The following CFAP74 variants were observed in gnomAD, a reference collection of about 807,000 sequenced individuals.
The protein encoded by CFAP74 is cilia- and flagella-associated protein 74.
CFAP74 carries 124 observed loss-of-function variants against 188.9 expected under a neutral mutation model. That is an observed-to-expected ratio of 0.66 (90% CI 0.57 to 0.76). The LOEUF is 0.76. CFAP74 is among the 30% of genes least tolerant of loss of function. The pLI, the probability that CFAP74 is intolerant of heterozygous loss-of-function variation, is 0.00. For missense variants in CFAP74, 2,198 were observed against 2,165.2 expected, an observed-to-expected ratio of 1.02 and a Z score of -0.30; for synonymous variants, 956 against 916.7, an observed-to-expected ratio of 1.04 and a Z score of -0.77.
chr1:1,924,577 C>T (rs918850233), intron 33 of CFAP74, 57 bp from the exon 34 acceptor site: 93 of 1,551,986 alleles, frequency 6.0e-5, no homozygotes, highest in Non-Finnish European at 7.8e-5. Context: ...TGCCCCCTTC[C>T]TGTCGTCGGT....
intron 6 of CFAP74, among the ~76,000 whole-genome samples, chr1:1,980,432 G>A (rs1278598957): frequency 1.4e-5 from 2 of 140,026 alleles, no homozygotes; most frequent in African/African-American, 5.5e-5. Flanking sequence ...CCCTCTTACC[G>A]TGTGGGGAGG....
At chr1:1,944,752 G>A (rs1489242688) in intron 20 of CFAP74, among the ~76,000 whole-genome samples, 4 of 152,028 alleles carry the variant, frequency 2.6e-5, no homozygotes, top group South Asian at 2.1e-4. Context: ...GATTACAGGC[G>A]CCCGCCACCA....
At position 1,942,529 on chromosome 1, in the gene CFAP74, C is replaced by A. The variant is rs1157926538; in HGVS notation, c.2487-373G>T. Reference sequence around the variant, plus strand: ...CCCCTCCCTCCAGGGCTCTGCCCGCCTCCTGCCCAGGGCATCCCCACATCC... The same window carrying A: ...CCCCTCCCTCCAGGGCTCTGCCCGCATCCTGCCCAGGGCATCCCCACATCC... On this transcript the variant is annotated intron_variant, in intron 21 of 38. Transcript: ENST00000682832. This position sits in a 1 kb window ranked among gnomAD's most constrained non-coding sequence, Gnocchi z 4.3. Among the ~76,000 whole-genome samples the A allele has an allele frequency of 6.6e-6, 1 of 152,138 alleles. No individual in the cohort carries two copies. The highest frequency in any genetic ancestry group is 1.9e-4 in the East Asian group (1 of 5,180).
intron 25 of CFAP74, among the ~76,000 whole-genome samples, chr1:1,930,807 C>T (rs921266472): frequency 8.5e-5 from 13 of 152,162 alleles, no homozygotes; most frequent in Admixed American, 5.2e-4. Context: ...TATTTATTGA[C>T]GTTTTAAAAA....
rs553188585 is a variant in CFAP74 at position 1,995,309 on chromosome 1, T to C, written c.-19-4334A>G. 4.2e-4 allele frequency among the ~76,000 whole-genome samples: 64 copies of C among 151,962 alleles called. 1 individual carries two copies. The South Asian group carries it at 7.5e-3, about 18-fold the overall frequency. ...AGGTTTGAGACCAGCCTGGCCAACA[T>C]AGTGAAACCCCGTCTCTACTAAAAA... is the stretch of plus-strand genomic sequence containing the variant. On this transcript the variant is annotated intron_variant, in intron 1 of 38. Coordinates refer to ENST00000682832, the MANE Select transcript of CFAP74 (RefSeq NM_001304360.2).
chr1:1,968,479 G>A lies in CFAP74; in HGVS notation c.1245+156C>T, dbSNP rs961922247. Among the ~76,000 whole-genome samples the A allele has an allele frequency of 2.6e-5, 4 of 151,818 alleles. No homozygotes were observed. Among genetic ancestry groups the A allele is most frequent in the African/African-American group, 9.7e-5 (4 of 41,328 alleles). On this transcript the variant is annotated intron_variant, in intron 11 of 38. Transcript: ENST00000682832. This position sits in a 1 kb window ranked among gnomAD's most constrained non-coding sequence, Gnocchi z 4.3. ...TAGTGTGTCTTGTCCCCTTGTCCTT[G>A]AGCTGAGTGGCGGCCACTCAGCGGG...
Position 1,973,763 on chromosome 1 carries a change from AG to A in CFAP74, c.674+261del, listed in dbSNP as rs1280138652. ...GGCAGTCTTGCTGGAGCGTGGCTTT[AG>A]TAGCCAGCTTTAGCGGCTGTATGGT... On this transcript the variant is annotated intron_variant, in intron 7 of 38. Transcript: ENST00000682832. The surrounding 1 kb of genome is among the most constrained non-coding windows in gnomAD (Gnocchi z 6.2). Among the ~76,000 whole-genome samples, 1 of 152,018 alleles carries A rather than the reference AG, an allele frequency of 6.6e-6. No homozygotes were observed. Among genetic ancestry groups the A allele is most frequent in the Admixed American group, 6.6e-5 (1 of 15,260 alleles).
chr1:1,954,962 C>A, intron 18 of CFAP74: 1 of 1,200,268 alleles, frequency 8.3e-7, no homozygotes, highest in South Asian at 1.5e-5. Flanking sequence ...GGCAGAAGGA[C>A]GGATCTAGAA....
rs145407243 is a variant in CFAP74, at chr1:1,968,383, C to G, written c.1245+252G>C. On this transcript the variant is annotated intron_variant, in intron 11 of 38. Coordinates refer to ENST00000682832, the MANE Select transcript of CFAP74 (RefSeq NM_001304360.2). This position sits in a 1 kb window ranked among gnomAD's most constrained non-coding sequence, Gnocchi z 4.3. Reference sequence around the variant, plus strand: ...GTGACGCAGGGTCTGGTGGGCACACCGAGACCAGGAGGACACTGGACCCTT... The same window carrying G: ...GTGACGCAGGGTCTGGTGGGCACACGGAGACCAGGAGGACACTGGACCCTT... 6.6e-6 allele frequency among the ~76,000 whole-genome samples: 1 copy of G among 152,094 alleles called. No individual in the cohort carries two copies. Among genetic ancestry groups the G allele is most frequent in the Non-Finnish European group, 1.5e-5 (1 of 67,992 alleles).
chr1:1,955,614 C>T (rs1216580438), intron 18 of CFAP74, 77 bp downstream of exon 18: 2 of 1,612,546 alleles, frequency 1.2e-6, no homozygotes, highest in East Asian at 2.2e-5. Context: ...CTCCCCTGGG[C>T]CCCTCAGCCC....
chr1:1,955,386 A>AG, intron 18 of CFAP74: 1 of 1,380,884 alleles, frequency 7.2e-7, no homozygotes, highest in Non-Finnish European at 9.6e-7. Context: ...CGGCCCCTCC[A>AG]GGGGGCACCG....
chr1:1,974,485 G>T (rs1656311031), intron 6 of CFAP74, among the ~76,000 whole-genome samples: 1 of 152,244 alleles, frequency 6.6e-6, no homozygotes, highest in African/African-American at 2.4e-5. Context: ...GTTGGCTGCG[G>T]TGGGCCTGGG....
intron 3 of CFAP74, 92 bp downstream of exon 3, chr1:1,988,797 A>G: frequency 9.6e-7 from 1 of 1,038,664 alleles, no homozygotes; most frequent in Non-Finnish European, 1.4e-6. Context: ...GGAGGGAGGA[A>G]GCAGCCGCCC....
rs143627362 is a variant in CFAP74, at chr1:1,972,918, C to A, written c.785+19G>T. The A allele has an allele frequency of 6.5e-7, 1 of 1,532,408 alleles. No homozygotes were observed. The highest frequency in any genetic ancestry group is 9.0e-7 in the Non-Finnish European group (1 of 1,105,964). The allele number at this position is 1,532,408 out of a possible 1,614,324, so 94.9% of individuals were successfully genotyped here. ...GTATTCTTGGGTTTCTCCTTAAGGACGTCGAAGGGAGGCCCTACCTTCCCA... is the reference window on the plus strand; with the variant it reads ...GTATTCTTGGGTTTCTCCTTAAGGAAGTCGAAGGGAGGCCCTACCTTCCCA... On this transcript the variant is annotated intron_variant, in intron 8 of 38. Transcript: ENST00000682832.
chr1:1,928,086 C>T (rs991808876), intron 27 of CFAP74, among the ~76,000 whole-genome samples: 3 of 152,254 alleles, frequency 2.0e-5, no homozygotes, highest in African/African-American at 7.2e-5. Flanking sequence ...GAGTGCACGC[C>T]CAGGAGGAAC....
In CFAP74 at chr1:1,923,887, G is replaced by A; in HGVS notation, c.4277C>T (p.Pro1426Leu). Residue 1426 changes from proline to leucine, a missense_variant, in exon 35 of 39, where the codon CCC becomes CTC. Pro to Leu is a moderately conservative substitution (Grantham distance 98, BLOSUM62 -3). Coordinates refer to ENST00000682832, the MANE Select transcript of CFAP74 (RefSeq NM_001304360.2). This position sits in a 1 kb window ranked among gnomAD's most constrained non-coding sequence, Gnocchi z 6.3. Reference protein sequence around the residue: ...LNGQSVFSVAPVKGVMDPGKT... With the variant: ...LNGQSVFSVALVKGVMDPGKT... Reference sequence around the variant, plus strand: ...CCCGGGGTCCATGACGCCCTTGACGGGGGCCACGCTGAACACGCTCTGACC... The same window carrying A: ...CCCGGGGTCCATGACGCCCTTGACGAGGGCCACGCTGAACACGCTCTGACC... The A allele has an allele frequency of 6.2e-7, 1 of 1,612,926 alleles. No homozygotes were observed. The highest frequency in any genetic ancestry group is 8.5e-7 in the Non-Finnish European group (1 of 1,179,682).
chr1:1,997,907 A>G (rs866919216), intron 1 of CFAP74, among the ~76,000 whole-genome samples: 3 of 152,340 alleles, frequency 2.0e-5, no homozygotes, highest in South Asian at 4.1e-4. Flanking sequence ...TCTCGATTCA[A>G]GCAAACCAGC....
intron 12 of CFAP74, among the ~76,000 whole-genome samples, chr1:1,965,951 C>T (rs543131367): frequency 2.4e-4 from 37 of 152,368 alleles, no homozygotes; most frequent in South Asian, 2.1e-3. Flanking sequence ...AGAAGGACCC[C>T]AGCGCCAGAT....
intron 25 of CFAP74, among the ~76,000 whole-genome samples, chr1:1,936,421 A>G (rs887908413): frequency 6.9e-6 from 1 of 144,920 alleles, no homozygotes; most frequent in South Asian, 2.2e-4. Context: ...GTGCACACCT[A>G]TAGTCCCAGC....
Sources: gnomAD v4.1 joint callset for allele counts (sites outside exome capture counted in the v4.1 genomes callset) on GRCh38, gnomAD v4.1.1 for gene constraint, Gnocchi (gnomAD v3.1) non-coding constraint, MANE v1.5 for transcripts, NCBI Gene and HGNC (gene_info 2026-07-23, HGNC 2026-07-21) for gene names.